STAC2: variants seen among roughly 807,000 people sequenced by gnomAD.
STAC2 encodes the protein SH3 and cysteine rich domain 2, also known as SH3 and cysteine-rich domain-containing protein 2.
In STAC2, 36 loss-of-function variants were observed where a neutral mutation model predicts 49.0. The ratio of observed to expected loss-of-function variants is 0.74; its 90% CI spans 0.56 to 0.97. STAC2 has a LOEUF of 0.97. Ranked by LOEUF, STAC2 falls within the 50% of genes least tolerant of loss-of-function variation. The pLI is 0.00. For missense variants in STAC2, 527 were observed against 543.8 expected, an observed-to-expected ratio of 0.97 and a Z score of 0.31; for synonymous variants, 239 against 214.7, an observed-to-expected ratio of 1.11 and a Z score of -0.99.
At chr17:39,216,333 A>G (rs902805845) in intron 4 of STAC2, among the ~76,000 whole-genome samples, 6 of 152,154 alleles carry the variant, frequency 3.9e-5, no homozygotes, top group Non-Finnish European at 7.3e-5. Context: ...TAAGGCGCTC[A>G]TGCTGATGGT....
In STAC2 at chr17:39,214,285, A is replaced by T; in HGVS notation, c.889T>A (p.Tyr297Asn). Reference protein sequence around the residue: ...LRKDVGPMYSYVALYKFLPQE... With the variant: ...LRKDVGPMYSNVALYKFLPQE... ...GGCAGAAACTTGTAGAGTGCAACGTAGGAGTACATGGGCCCCACATCCTTC... is the reference window on the plus strand; with the variant it reads ...GGCAGAAACTTGTAGAGTGCAACGTTGGAGTACATGGGCCCCACATCCTTC... The change falls in exon 8 of 11, where the codon TAC becomes AAC. Residue 297 changes from tyrosine (Y) to asparagine (N), a missense_variant. Physicochemically the swap from Tyr to Asn is moderately radical, Grantham distance 143 (BLOSUM62 -2). Transcript: ENST00000333461. 6.2e-7 allele frequency: 1 copy of T among 1,614,090 alleles called. No homozygotes were observed. The highest frequency in any genetic ancestry group is 1.7e-5 in the Admixed American group (1 of 60,008).
intron 1 of STAC2, 116 bp from the exon 2 acceptor site, chr17:39,218,289 G>A (rs1179593916): frequency 1.9e-6 from 2 of 1,046,986 alleles, no homozygotes; most frequent in Non-Finnish European, 2.9e-6. Context: ...GCAGCAGCGT[G>A]GGGGCTGAGG....
intron 1 of STAC2, among the ~76,000 whole-genome samples, chr17:39,219,603 A>G (rs969863590): frequency 6.6e-6 from 1 of 152,170 alleles, no homozygotes; most frequent in Non-Finnish European, 1.5e-5. Context: ...TAGGTGCTCA[A>G]TCAGCAGCCT....
intron 1 of STAC2, among the ~76,000 whole-genome samples, chr17:39,222,169 C>T (rs2046469479): frequency 6.6e-6 from 1 of 152,210 alleles, no homozygotes; most frequent in Non-Finnish European, 1.5e-5. Context: ...TCCCCCCATC[C>T]CCAGGCCCTT....
rs188703487 is a variant in STAC2, at chr17:39,222,871, G to A, written c.90+2542C>T. On this transcript the variant is annotated intron_variant, in intron 1 of 10. Coordinates refer to ENST00000333461, the MANE Select transcript of STAC2 (RefSeq NM_198993.5). Reference sequence around the variant, plus strand: ...TCCTCAATTCCCCACGGCGTCTCCTGAAAGGGCATGAGGCATCTGGCAGTG... The same window carrying A: ...TCCTCAATTCCCCACGGCGTCTCCTAAAAGGGCATGAGGCATCTGGCAGTG... Among the ~76,000 whole-genome samples the A allele has an allele frequency of 8.9e-4, 135 of 152,292 alleles. 2 individuals carry two copies. Among genetic ancestry groups the A allele is most frequent in the Middle Eastern group, 6.8e-3 (2 of 294 alleles).
At position 39,216,812 on chromosome 17, in the gene STAC2, G is replaced by A; in HGVS notation, c.584C>T (p.Thr195Ile). Residue 195 changes from threonine (T) to isoleucine (I), a missense_variant and splice_region_variant, in exon 4 of 11, where the codon ACT (threonine) becomes ATT (isoleucine). Thr to Ile is a moderately conservative substitution (Grantham distance 89). Transcript: ENST00000333461. ...CTGCGGCCAGGGGGGGCACTCACCAGTGGGTGGGGACTCTTTGCTTGTGGC... is the reference window on the plus strand; with the variant it reads ...CTGCGGCCAGGGGGGGCACTCACCAATGGGTGGGGACTCTTTGCTTGTGGC... ...VCATSKESPP[T>I]GDSGKVDPVY... The A allele has an allele frequency of 6.3e-7, 1 of 1,588,304 alleles. No individual in the cohort carries two copies. The highest frequency in any genetic ancestry group is 8.6e-7 in the Non-Finnish European group (1 of 1,167,656).
chr17:39,218,191 A>T lies in STAC2; in HGVS notation c.91-18T>A. The T allele has an allele frequency of 6.2e-7, 1 of 1,611,632 alleles. No individual in the cohort carries two copies. The highest frequency in any genetic ancestry group is 8.5e-7 in the Non-Finnish European group (1 of 1,179,646). ...CGCTGGAGCTGGGAGAAAAAGAGGG[A>T]GCTGTGAGTGGGAGCCTAGAGGGGG... On this transcript the variant is annotated intron_variant, in intron 1 of 10. Transcript: ENST00000333461.
In STAC2 at chr17:39,213,135, G is replaced by A; in HGVS notation, c.994-3C>T. 2.5e-6 allele frequency: 4 copies of A among 1,606,030 alleles called. No homozygotes were observed. Among genetic ancestry groups the A allele is most frequent in the African/African-American group, 1.3e-5 (1 of 75,050 alleles). On this transcript the variant is annotated splice_region_variant and splice_polypyrimidine_tract_variant and intron_variant, in intron 9 of 10. Transcript: ENST00000333461. ...CCAACCCGGTCGCCGATCTTGCCCT[G>A]GGGATGAGGTTGGCAATGAACACCC...
intron 2 of STAC2, among the ~76,000 whole-genome samples, chr17:39,217,541 C>G (rs1444929949): frequency 6.6e-6 from 1 of 152,010 alleles, no homozygotes; most frequent in Non-Finnish European, 1.5e-5. Context: ...AGCAACATGG[C>G]AAAACCCCAT....
intron 5 of STAC2, 38 bp from the exon 6 acceptor site, chr17:39,215,061 C>T (rs1431146226): frequency 1.2e-5 from 19 of 1,614,092 alleles, no homozygotes; most frequent in Admixed American, 1.7e-5. Context: ...GCCCCCGAGC[C>T]CACTGTCATG....
At chr17:39,214,883 G>A in intron 6 of STAC2, 22 bp from the exon 7 acceptor site, 1 of 1,614,002 alleles carries the variant, frequency 6.2e-7, no homozygotes. Context: ...AGAGGGAAAG[G>A]GTGAGAGGCA....
Position 39,225,701 on chromosome 17 carries a change from C to G in STAC2, c.-199G>C. ...GGTGGCGGGCGAGGGGAGGCCACCA[C>G]GCTGAGCCGCAGGAGCGGGACGACC... On this transcript the variant is annotated 5_prime_UTR_variant, in exon 1 of 11. Coordinates refer to ENST00000333461, the MANE Select transcript of STAC2 (RefSeq NM_198993.5). The surrounding 1 kb of genome is among the most constrained non-coding windows in gnomAD (Gnocchi z 8.2). 1 of 605,538 alleles carries G rather than the reference C, an allele frequency of 1.7e-6. No individual in the cohort carries two copies. The highest frequency in any genetic ancestry group is 2.9e-6 in the Non-Finnish European group (1 of 343,222). The allele number at this position is 605,538 out of a possible 1,614,324, so 37.5% of individuals were successfully genotyped here. A position where few individuals can be genotyped will look rare whatever the true frequency, so the allele number is the denominator to read the frequency against.
intron 2 of STAC2, 34 bp downstream of exon 2, chr17:39,217,833 C>A: frequency 6.4e-7 from 1 of 1,571,958 alleles, no homozygotes; most frequent in East Asian, 2.4e-5. Context: ...ACGCTGGCCC[C>A]TCCCCGTGGC....
In STAC2 at chr17:39,224,911, C is replaced by A. The variant is rs566178479; in HGVS notation, c.90+502G>T. Among the ~76,000 whole-genome samples the A allele has an allele frequency of 4.6e-5, 7 of 152,228 alleles. No individual in the cohort carries two copies. In the East Asian group the frequency reaches 1.4e-3, roughly 30 times the overall value. ...GACTGCGGAGGGGCAGGGAGAGACG[C>A]CCTGAGACGCGGAGATAAACACCCG... is the stretch of plus-strand genomic sequence containing the variant. On this transcript the variant is annotated intron_variant, in intron 1 of 10. Transcript: ENST00000333461.
chr17:39,216,790 C>A lies in STAC2; in HGVS notation c.586+20G>T. On this transcript the variant is annotated intron_variant, in intron 4 of 10. Transcript: ENST00000333461. Reference sequence around the variant, plus strand: ...CCCACCACAATGGGAGCAGGGACTGCGGCCAGGGGGGGCACTCACCAGTGG... The same window carrying A: ...CCCACCACAATGGGAGCAGGGACTGAGGCCAGGGGGGGCACTCACCAGTGG... The A allele has an allele frequency of 6.4e-7, 1 of 1,566,276 alleles. No individual in the cohort carries two copies. The highest frequency in any genetic ancestry group is 1.2e-5 in the South Asian group (1 of 85,292).
chr17:39,215,983 C>T (rs2046398647), intron 4 of STAC2, among the ~76,000 whole-genome samples: 1 of 152,208 alleles, frequency 6.6e-6, no homozygotes, highest in Non-Finnish European at 1.5e-5. Context: ...TGAGCCACCA[C>T]ACTTGGCACT....
At position 39,225,693 on chromosome 17, in the gene STAC2, G is replaced by A. The variant is rs1176579051; in HGVS notation, c.-191C>T. ...GTTGCCGGGGTGGCGGGCGAGGGGAGGCCACCACGCTGAGCCGCAGGAGCG... is the reference window on the plus strand; with the variant it reads ...GTTGCCGGGGTGGCGGGCGAGGGGAAGCCACCACGCTGAGCCGCAGGAGCG... On this transcript the variant is annotated 5_prime_UTR_variant, in exon 1 of 11. Transcript: ENST00000333461. The surrounding 1 kb of genome is among the most constrained non-coding windows in gnomAD (Gnocchi z 8.2). 1.4e-5 allele frequency: 9 copies of A among 628,986 alleles called. No homozygotes were observed. The Admixed American group carries it at 2.2e-4, about 16-fold the overall frequency. 39.0% of individuals were successfully genotyped at this position (628,986 alleles called of 1,614,324 possible). A position where few individuals can be genotyped will look rare whatever the true frequency, so the allele number is the denominator to read the frequency against.
In STAC2 at chr17:39,214,444, G is replaced by A. The variant is rs2046383118; in HGVS notation, c.844-114C>T. ...CTGTGAGGGGACACAGTGAGTCCTA[G>A]GTCAACGGCAGGGAGAAGTGAGACC... On this transcript the variant is annotated intron_variant, in intron 7 of 10. Transcript: ENST00000333461. 23 of 1,529,810 alleles carry A rather than the reference G, an allele frequency of 1.5e-5. 1 individual carries two copies. In the South Asian group the frequency reaches 2.6e-4, roughly 17 times the overall value. The allele number at this position is 1,529,810 out of a possible 1,614,324, so 94.8% of individuals were successfully genotyped here. A position where few individuals can be genotyped will look rare whatever the true frequency, so the allele number is the denominator to read the frequency against.
intron 10 of STAC2, 124 bp from the exon 11 acceptor site, chr17:39,212,520 G>A (rs1485382110): frequency 2.9e-6 from 2 of 697,352 alleles, no homozygotes; most frequent in Admixed American, 2.5e-5. Flanking sequence ...TGTGGATGGA[G>A]CCCTTTGCTG....
Sources: gnomAD v4.1 joint callset for allele counts (sites outside exome capture counted in the v4.1 genomes callset) on GRCh38, gnomAD v4.1.1 for gene constraint, Gnocchi (gnomAD v3.1) non-coding constraint, MANE v1.5 for transcripts, NCBI Gene and HGNC (gene_info 2026-07-23, HGNC 2026-07-21) for gene names.